SLIT3: variants seen among roughly 807,000 people sequenced by gnomAD.
The protein encoded by SLIT3 is slit homolog 3 protein.
Under a neutral mutation model 184.0 loss-of-function variants are expected in SLIT3, and 68 were observed. The observed-to-expected ratio is 0.37, with a 90% CI of 0.30 to 0.45. The LOEUF (loss-of-function observed/expected upper bound fraction) is 0.45. Among genes scored for constraint, SLIT3 ranks in the 20% least tolerant of loss-of-function variants. The pLI is 1.00. For synonymous variants in SLIT3, 831 were observed against 828.6 expected (o/e 1.00, Z -0.05); for missense variants, 1,707 against 2,026.0 (o/e 0.84, Z 3.02).
At chr5:168,767,451 C>T (rs546520436) in intron 14 of SLIT3, among the ~76,000 whole-genome samples, 6 of 152,170 alleles carry the variant, frequency 3.9e-5, no homozygotes, top group Admixed American at 6.5e-5. Context: ...CAGGTTTCCA[C>T]GTCCACACAC....
rs150162755 is a variant in SLIT3, at chr5:168,718,731, TTC to T, written c.2483+3523_2483+3524del. ...ACACACACACACACACACACACACA[TTC>T]TCTCTCTCTCTCTCTTTCTCTCTCT... is the stretch of plus-strand genomic sequence containing the variant. On this transcript the variant is annotated intron_variant, in intron 23 of 35. Transcript: ENST00000519560. 9.5e-4 allele frequency among the ~76,000 whole-genome samples: 44 copies of T among 46,324 alleles called. No individual in the cohort carries two copies. In the Middle Eastern group the frequency reaches 0.031, roughly 33 times the overall value. 30.4% of individuals were successfully genotyped at this position (46,324 alleles called of 152,430 possible).
chr5:168,779,498 C>T (rs1755892488), intron 12 of SLIT3, among the ~76,000 whole-genome samples: 1 of 152,208 alleles, frequency 6.6e-6, no homozygotes, highest in African/African-American at 2.4e-5. Flanking sequence ...CTAGGAGGCC[C>T]TCTGCCACCC....
At chr5:168,733,218 C>T (rs1763338683) in intron 20 of SLIT3, among the ~76,000 whole-genome samples, 1 of 151,886 alleles carries the variant, frequency 6.6e-6, no homozygotes, top group African/African-American at 2.4e-5. Context: ...CAGAAAAATG[C>T]CAATCAGAAC....
chr5:169,059,813 A>G lies in SLIT3; in HGVS notation c.413+133666T>C, dbSNP rs75766358. 9.9e-3 allele frequency among the ~76,000 whole-genome samples: 1,503 copies of G among 152,332 alleles called. 14 individuals carry two copies. Among genetic ancestry groups the G allele is most frequent in the South Asian group, 0.026 (126 of 4,826 alleles). On this transcript the variant is annotated intron_variant, in intron 4 of 35. Coordinates refer to ENST00000519560, the MANE Select transcript of SLIT3 (RefSeq NM_003062.4). ...GAACAGACTCCATTTGGCTGGGGCT[A>G]TGGTCTGAATGTTTGAGTTCCCCTC...
At chr5:168,978,243 C>T (rs530633000) in intron 4 of SLIT3, among the ~76,000 whole-genome samples, 1 of 152,356 alleles carries the variant, frequency 6.6e-6, no homozygotes, top group African/African-American at 2.4e-5. Context: ...CATGTGCAGA[C>T]AATTGGAGGA....
intron 4 of SLIT3, among the ~76,000 whole-genome samples, chr5:168,979,663 C>T (rs969796152): frequency 6.6e-6 from 1 of 152,144 alleles, no homozygotes. Context: ...CAGAAGGGGG[C>T]TGGGGCCAAA....
chr5:168,753,269 G>A (rs1158574096), intron 17 of SLIT3, among the ~76,000 whole-genome samples, 171 bp from the exon 18 acceptor site: 1 of 152,218 alleles, frequency 6.6e-6, no homozygotes, highest in Non-Finnish European at 1.5e-5. Context: ...GAGCCCCACT[G>A]GGGCTGTGTG....
At chr5:168,820,955 C>T (rs1757509992) in intron 7 of SLIT3, among the ~76,000 whole-genome samples, 2 of 152,072 alleles carry the variant, frequency 1.3e-5, no homozygotes, top group South Asian at 2.1e-4. Context: ...ACCAGCCGTC[C>T]CCCCCAACCC....
intron 16 of SLIT3, 41 bp from the exon 17 acceptor site, chr5:168,754,048 A>G (rs1445345788): frequency 1.3e-6 from 2 of 1,529,250 alleles, no homozygotes; most frequent in Non-Finnish European, 1.8e-6. Flanking sequence ...CAAAAGGAGC[A>G]GATGGTCTTG....
At chr5:168,865,920 A>G (rs1175922939) in intron 5 of SLIT3, among the ~76,000 whole-genome samples, 1 of 152,152 alleles carries the variant, frequency 6.6e-6, no homozygotes, top group Non-Finnish European at 1.5e-5. Context: ...TACTAATAAT[A>G]TATTGGTTAG....
At chr5:168,840,315 C>T (rs1758198125) in intron 6 of SLIT3, among the ~76,000 whole-genome samples, 1 of 152,220 alleles carries the variant, frequency 6.6e-6, no homozygotes, top group Middle Eastern at 3.4e-3. Flanking sequence ...AGTCAAGGGA[C>T]AATGTCCAAA....
chr5:169,069,720 T>C (rs1490899187), intron 4 of SLIT3, among the ~76,000 whole-genome samples: 1 of 150,350 alleles, frequency 6.7e-6, no homozygotes, highest in African/African-American at 2.5e-5. Context: ...GGAGAGGAAG[T>C]AGGGGAGGGA....
chr5:168,999,118 A>G (rs561240161), intron 4 of SLIT3, among the ~76,000 whole-genome samples: 1 of 152,106 alleles, frequency 6.6e-6, no homozygotes, highest in African/African-American at 2.4e-5. Flanking sequence ...GTCTCACTAC[A>G]TTGCCCAGGC....
chr5:168,842,845 A>G (rs1758318171), intron 6 of SLIT3, among the ~76,000 whole-genome samples: 2 of 152,186 alleles, frequency 1.3e-5, no homozygotes, highest in African/African-American at 4.8e-5. Context: ...GTCTCTTCCC[A>G]AGGAATTTTC....
chr5:168,831,391 T>A (rs1296059681), intron 6 of SLIT3, among the ~76,000 whole-genome samples: 1 of 152,094 alleles, frequency 6.6e-6, no homozygotes, highest in Non-Finnish European at 1.5e-5. Flanking sequence ...CTATCCTGGG[T>A]GCTGCATATT....
chr5:169,091,019 G>T (rs1309987098), intron 4 of SLIT3, among the ~76,000 whole-genome samples: 1 of 152,184 alleles, frequency 6.6e-6, no homozygotes, highest in Admixed American at 6.5e-5. Context: ...TTATTGCATT[G>T]TCTTATCTGT....
At chr5:169,006,237 C>A (rs12153532) in intron 4 of SLIT3, among the ~76,000 whole-genome samples, 5,545 of 152,330 alleles carry the variant, frequency 0.036, 127 homozygotes, top group Middle Eastern at 0.065. Flanking sequence ...ATATGGTAAA[C>A]CTTAAAGCAT....
At chr5:168,703,271 TGTGTGTG>T (rs1762271870) in intron 26 of SLIT3, among the ~76,000 whole-genome samples, 1 of 137,762 alleles carries the variant, frequency 7.3e-6, no homozygotes, top group East Asian at 2.1e-4. Context: ...TGTGTGTGTG[TGTGTGTG>T]TAGGACATGG....
intron 4 of SLIT3, among the ~76,000 whole-genome samples, chr5:169,160,994 C>T (rs1350265508): frequency 1.3e-5 from 2 of 152,222 alleles, no homozygotes; most frequent in Admixed American, 1.3e-4. Context: ...GAATCCCCAG[C>T]GGCATGGCTT....
Sources: gnomAD v4.1 joint callset for allele counts (sites outside exome capture counted in the v4.1 genomes callset) on GRCh38, gnomAD v4.1.1 for gene constraint, MANE v1.5 for transcripts, NCBI Gene and HGNC (gene_info 2026-07-23, HGNC 2026-07-21) for gene names.